Variants in HECW1 observed in about 807,000 individuals in gnomAD.
HECW1 encodes the protein HECT, C2 and WW domain containing E3 ubiquitin protein ligase 1.
HECW1 carries 61 observed loss-of-function variants against 182.3 expected under a neutral mutation model. The ratio of observed to expected loss-of-function variants is 0.33; its 90% CI spans 0.27 to 0.41. The LOEUF (loss-of-function observed/expected upper bound fraction) is 0.41. Among genes scored for constraint, HECW1 ranks in the 10% least tolerant of loss-of-function variants. The pLI, the probability that HECW1 is intolerant of heterozygous loss-of-function variation, is 1.00. For synonymous variants in HECW1, 859 were observed against 832.6 expected, an observed-to-expected ratio of 1.03 and a Z score of -0.55; for missense variants, 1,739 against 2,108.9, an observed-to-expected ratio of 0.82 and a Z score of 3.44.
At position 43,469,096 on chromosome 7, in the gene HECW1, G is replaced by T. The variant is rs1211752572; in HGVS notation, c.3090G>T (p.Gln1030His). The T allele has an allele frequency of 1.2e-6, 2 of 1,613,738 alleles. No homozygotes were observed. The highest frequency in any genetic ancestry group is 1.7e-6 in the Non-Finnish European group (2 of 1,180,006). Reference protein sequence around the residue: ...LPRGWEIKTDQQGKSFFVDHN... With the variant: ...LPRGWEIKTDHQGKSFFVDHN... The stretch of plus-strand genomic sequence containing the variant: ...GGGGCTGGGAGATCAAAACGGACCA[G>T]CAGGGAAAGGTGAGTGTGACCCACG... The change falls in exon 16 of 30, where the codon CAG (glutamine) becomes CAT (histidine). Residue 1030 changes from glutamine (Q) to histidine (H), a missense_variant. Physicochemically the swap from Gln to His is conservative, Grantham distance 24. Coordinates refer to ENST00000395891, the MANE Select transcript of HECW1 (RefSeq NM_015052.5).
chr7:43,438,142 T>C lies in HECW1; in HGVS notation c.941T>C (p.Ile314Thr), dbSNP rs1414666031. Residue 314 changes from isoleucine to threonine, a missense_variant, in exon 9 of 30, where the codon ATA becomes ACA. Ile to Thr is a moderately conservative substitution (Grantham distance 89). This residue lies in a region of HECW1 where 66 missense variants were observed against 113.8 expected (regional missense o/e 0.58). Transcript: ENST00000395891. ...PVQRLLERHA[I>T]GDRVVSYTLG... The stretch of plus-strand genomic sequence containing the variant: ...CAAAGACTCCTGGAGAGACACGCCA[T>C]AGGGTAAACCTGTGACTGAGATCTT... The C allele has an allele frequency of 6.2e-7, 1 of 1,613,830 alleles. No individual in the cohort carries two copies. Among genetic ancestry groups the C allele is most frequent in the Non-Finnish European group, 8.5e-7 (1 of 1,179,828 alleles).
At chr7:43,357,234 A>G (rs1198676248) in intron 5 of HECW1, among the ~76,000 whole-genome samples, 1 of 152,230 alleles carries the variant, frequency 6.6e-6, no homozygotes, top group African/African-American at 2.4e-5. Flanking sequence ...GTATATAGCA[A>G]AAGAAAGGAA....
At chr7:43,130,536 A>T (rs1786800009) in intron 2 of HECW1, among the ~76,000 whole-genome samples, 1 of 152,232 alleles carries the variant, frequency 6.6e-6, no homozygotes, top group Non-Finnish European at 1.5e-5. Context: ...AAAGAAAATG[A>T]TAAGTAATCA....
At chr7:43,290,186 C>T (rs909186456) in intron 3 of HECW1, among the ~76,000 whole-genome samples, 1 of 152,208 alleles carries the variant, frequency 6.6e-6, no homozygotes, top group Non-Finnish European at 1.5e-5. Context: ...AGATTTCCCC[C>T]TCAAAAGACA....
Position 43,328,521 on chromosome 7 carries a change from A to G in HECW1, c.460+7779A>G, listed in dbSNP as rs1811074847. ...CTGACTGAACACGGCCAATGAGACA[A>G]TGGCGTGTGGCAGTGGAGGGCCCAG... On this transcript the variant is annotated intron_variant, in intron 5 of 29. Coordinates refer to ENST00000395891, the MANE Select transcript of HECW1 (RefSeq NM_015052.5). Among the ~76,000 whole-genome samples the G allele has an allele frequency of 2.6e-5, 4 of 152,272 alleles. No homozygotes were observed. The South Asian group carries it at 8.3e-4, about 32-fold the overall frequency.
chr7:43,220,299 C>G (rs142640265), intron 2 of HECW1, among the ~76,000 whole-genome samples: 1 of 152,146 alleles, frequency 6.6e-6, no homozygotes, highest in Admixed American at 6.5e-5. Flanking sequence ...CCTCTCCCTG[C>G]GGGGTCAGGA....
chr7:43,459,770 T>C (rs1417317766), intron 13 of HECW1, among the ~76,000 whole-genome samples: 4 of 152,196 alleles, frequency 2.6e-5, no homozygotes, highest in Non-Finnish European at 4.4e-5. Flanking sequence ...ACCCCTGGCT[T>C]CAGGTCATCC....
At chr7:43,152,228 C>A (rs559717690) in intron 2 of HECW1, among the ~76,000 whole-genome samples, 1 of 152,256 alleles carries the variant, frequency 6.6e-6, no homozygotes, top group South Asian at 2.1e-4. Context: ...AGGACCTATA[C>A]CACTCATTAA....
At chr7:43,471,247 T>C (rs2078011585) in intron 16 of HECW1, among the ~76,000 whole-genome samples, 1 of 152,186 alleles carries the variant, frequency 6.6e-6, no homozygotes, top group African/African-American at 2.4e-5. Flanking sequence ...GGACCGTGTC[T>C]TACAGGTTTC....
At chr7:43,416,532 C>T (rs2076004467) in intron 8 of HECW1, among the ~76,000 whole-genome samples, 1 of 152,026 alleles carries the variant, frequency 6.6e-6, no homozygotes, top group South Asian at 2.1e-4. Flanking sequence ...GCAGGCAGGC[C>T]TCCTTGAGCT....
chr7:43,212,139 G>T (rs968169945), intron 2 of HECW1, among the ~76,000 whole-genome samples: 12 of 152,258 alleles, frequency 7.9e-5, no homozygotes, highest in Non-Finnish European at 1.5e-4. Context: ...AGAGATTTTT[G>T]CTATTGATTC....
At chr7:43,421,640 C>T (rs1017833154) in intron 8 of HECW1, among the ~76,000 whole-genome samples, 2 of 152,126 alleles carry the variant, frequency 1.3e-5, no homozygotes, top group Non-Finnish European at 2.9e-5. Flanking sequence ...CCACACAAAG[C>T]GGGGATGTCC....
chr7:43,360,069 A>G (rs576644304), intron 5 of HECW1, among the ~76,000 whole-genome samples: 1 of 152,308 alleles, frequency 6.6e-6, no homozygotes, highest in East Asian at 1.9e-4. Context: ...TTATTTGCTT[A>G]ACCAACGTCT....
At chr7:43,407,768 A>C (rs374395562) in intron 8 of HECW1, 37 bp downstream of exon 8, 2 of 1,573,366 alleles carry the variant, frequency 1.3e-6, no homozygotes, top group Non-Finnish European at 8.7e-7. Flanking sequence ...GCCCAAGTAA[A>C]AGTGAAAGGG....
chr7:43,423,947 A>G (rs1311346451), intron 8 of HECW1, among the ~76,000 whole-genome samples: 1 of 152,238 alleles, frequency 6.6e-6, no homozygotes, highest in Non-Finnish European at 1.5e-5. Context: ...CGAAGGCTTC[A>G]GAAAAACAGA....
chr7:43,543,799 G>GA (rs963994026), intron 26 of HECW1, among the ~76,000 whole-genome samples: 21 of 140,024 alleles, frequency 1.5e-4, no homozygotes, highest in African/African-American at 4.0e-4. Context: ...AAAAAAAAAA[G>GA]AAAAAAAAAG....
intron 5 of HECW1, among the ~76,000 whole-genome samples, chr7:43,338,796 G>A (rs1457731752): frequency 1.3e-5 from 2 of 150,964 alleles, no homozygotes; most frequent in Admixed American, 1.3e-4. Context: ...TCACACATCT[G>A]TGTTTCTGTC....
In HECW1 at chr7:43,552,214, C is replaced by T; in HGVS notation, c.4396-8C>T. On this transcript the variant is annotated splice_polypyrimidine_tract_variant and splice_region_variant and intron_variant, in intron 27 of 29. Coordinates refer to ENST00000395891, the MANE Select transcript of HECW1 (RefSeq NM_015052.5). ...GACCTGGATGCTGAAGCCTAACCTG[C>T]ATTTCAGGTTGTAGACTCGAGGCTG... 1 of 1,563,390 alleles carries T rather than the reference C, an allele frequency of 6.4e-7. No individual in the cohort carries two copies. Among genetic ancestry groups the T allele is most frequent in the Non-Finnish European group, 8.8e-7 (1 of 1,133,160 alleles).
At chr7:43,181,901 C>T (rs1452034077) in intron 2 of HECW1, among the ~76,000 whole-genome samples, 2 of 150,644 alleles carry the variant, frequency 1.3e-5, no homozygotes, top group African/African-American at 2.5e-5. Flanking sequence ...CATTCTCGTG[C>T]CTCAGCCTCC....
Sources: allele counts gnomAD v4.1 joint callset (sites outside exome capture counted in the v4.1 genomes callset), GRCh38; gene constraint gnomAD v4.1.1; regional missense constraint gnomAD v4.1.1; transcripts MANE v1.5; gene names NCBI Gene and HGNC (gene_info 2026-07-23, HGNC 2026-07-21).